SLC16A5: variants seen among roughly 807,000 people sequenced by gnomAD.
SLC16A5 encodes monocarboxylate transporter 6.
A neutral mutation model predicts 33.2 loss-of-function variants in SLC16A5; 29 were observed. The ratio of observed to expected loss-of-function variants is 0.87; its 90% CI spans 0.65 to 1.19. The LOEUF (loss-of-function observed/expected upper bound fraction) is 1.19, where lower values mean the gene tolerates loss of function less well. SLC16A5 is among the 50% of genes most tolerant of loss of function. The pLI is 0.00. For missense variants in SLC16A5, 606 were observed against 678.2 expected (o/e 0.89, Z 1.18); for synonymous variants, 248 against 284.1 (o/e 0.87, Z 1.28).
At chr17:75,109,372 T>C (rs2073888356), downstream of SLC16A5, among the ~76,000 whole-genome samples, 1 of 152,076 alleles carries the variant, frequency 6.6e-6, no homozygotes, top group South Asian at 2.1e-4. The surrounding 1 kb of genome is among the most constrained non-coding windows in gnomAD (Gnocchi z 5.0). Context: ...CTAGGCTTTT[T>C]GCAAAAGGGG....
At chr17:75,101,289 G>A (rs1248893919) in intron 5 of SLC16A5, among the ~76,000 whole-genome samples, 4 of 146,840 alleles carry the variant, frequency 2.7e-5, no homozygotes, top group East Asian at 2.0e-4. Context: ...GACCAGGTGC[G>A]GTGGCTCACG....
chr17:75,105,199 G>A, intron 6 of SLC16A5: 2 of 985,434 alleles, frequency 2.0e-6, no homozygotes, highest in Non-Finnish European at 2.4e-6. Flanking sequence ...GGGGCCCCTG[G>A]CTTGGATCCT....
In SLC16A5 at chr17:75,100,814, C is replaced by T; in HGVS notation, c.1151C>T (p.Ala384Val). 1 of 1,583,968 alleles carries T rather than the reference C, an allele frequency of 6.3e-7. No homozygotes were observed. Among genetic ancestry groups the T allele is most frequent in the African/African-American group, 1.3e-5 (1 of 74,378 alleles). The part of the protein sequence containing the change: ...GLAFLISPPL[A>V]GLLLDATNNF... The stretch of plus-strand genomic sequence containing the variant: ...GCTTTCCTCATCTCCCCACCACTGG[C>T]CGGTGAGGAGCTGGGAGGGAGGGCA... Residue 384 changes from alanine (A) to valine (V), a missense_variant and splice_region_variant, in exon 5 of 7, where the codon GCC (alanine) becomes GTC (valine). Coordinates refer to ENST00000329783, the MANE Select transcript of SLC16A5 (RefSeq NM_004695.4).
chr17:75,098,949 T>C (rs1317917255), intron 4 of SLC16A5, among the ~76,000 whole-genome samples: 1 of 151,902 alleles, frequency 6.6e-6, no homozygotes, highest in Non-Finnish European at 1.5e-5. Context: ...ACACCGGTAG[T>C]CACCTAGCAG....
chr17:75,100,704 C>T lies in SLC16A5; in HGVS notation c.1041C>T (p.Ala347=). 1.2e-6 allele frequency: 2 copies of T among 1,614,194 alleles called. No homozygotes were observed. The highest frequency in any genetic ancestry group is 2.2e-5 in the East Asian group (1 of 44,880). ...GCGTGTCCATGAGTGGCATCGGCGC[C>T]CTCATCTTCCAGGTTCTCATGGACA... The part of the protein sequence containing the change: ...AYSVSMSGIG[A]LIFQVLMDIV... Residue 347 remains alanine, a synonymous_variant, in exon 5 of 7, where the codon GCC becomes GCT. Coordinates refer to ENST00000329783, the MANE Select transcript of SLC16A5 (RefSeq NM_004695.4).
chr17:75,098,554 T>C (rs923666271), intron 4 of SLC16A5, among the ~76,000 whole-genome samples: 4 of 151,998 alleles, frequency 2.6e-5, no homozygotes, highest in Non-Finnish European at 5.9e-5. Flanking sequence ...CAAGACCCCA[T>C]CTCAAAAACA....
intron 5 of SLC16A5, among the ~76,000 whole-genome samples, chr17:75,101,736 G>A (rs2073802510): frequency 6.6e-6 from 1 of 151,864 alleles, no homozygotes; most frequent in African/African-American, 2.4e-5. Context: ...CCAGACTCAA[G>A]TGATCTTCCC....
At chr17:75,098,371 C>T (rs1018699272) in intron 4 of SLC16A5, among the ~76,000 whole-genome samples, 190 bp downstream of exon 4, 2 of 151,910 alleles carry the variant, frequency 1.3e-5, no homozygotes, top group Non-Finnish European at 2.9e-5. Flanking sequence ...GAGACTAGCC[C>T]GGCCAACATG....
At chr17:75,107,677 G>A (rs956663600), downstream of SLC16A5, among the ~76,000 whole-genome samples, 19 of 152,202 alleles carry the variant, frequency 1.2e-4, no homozygotes, top group Non-Finnish European at 2.6e-4. Context: ...AGTGGCTCAC[G>A]CCTGTAATCC....
chr17:75,093,867 G>C (rs1465850750), intron 3 of SLC16A5, 32 bp downstream of exon 3: 1 of 1,597,518 alleles, frequency 6.3e-7, no homozygotes, highest in Non-Finnish European at 8.5e-7. Flanking sequence ...CGATGAGAAA[G>C]TCCTAGGGGT....
rs61750012 is a variant in SLC16A5, at chr17:75,100,470, C to T, written c.807C>T (p.Asp269=). 2.5e-5 allele frequency: 40 copies of T among 1,614,106 alleles called. No homozygotes were observed. Among genetic ancestry groups the T allele is most frequent in the South Asian group, 9.9e-5 (9 of 91,086 alleles). ...LVPYAMWHSV[D]EQQAALLISI... is the part of the protein sequence containing the mutation. ...CATATGCCATGTGGCACAGCGTGGA[C>T]GAGCAGCAGGCAGCCCTCCTCATCT... The change falls in exon 5 of 7, where the codon GAC becomes GAT. Residue 269 remains aspartate, a synonymous_variant. Transcript: ENST00000329783.
At chr17:75,107,991 C>G (rs895573051), downstream of SLC16A5, among the ~76,000 whole-genome samples, 1 of 152,078 alleles carries the variant, frequency 6.6e-6, no homozygotes, top group African/African-American at 2.4e-5. Context: ...GTAATCCCAG[C>G]TACTCGGGAG....
chr17:75,097,982 T>G, intron 3 of SLC16A5, 56 bp from the exon 4 acceptor site: 1 of 1,544,452 alleles, frequency 6.5e-7, no homozygotes, highest in Non-Finnish European at 8.7e-7. Flanking sequence ...GCCACTCTCC[T>G]CCTCTCCCGC....
chr17:75,106,207 GTCTGACTCGGTGAGCAT>G (rs1252993906), downstream of SLC16A5: 1 of 446,718 alleles, frequency 2.2e-6, no homozygotes, highest in Non-Finnish European at 4.0e-6. Flanking sequence ...CGGTTGAAAA[GTCTGACTCGGTGAGCAT>G]CCTGACGACT....
Position 75,100,300 on chromosome 17 carries a change from C to G in SLC16A5, c.637C>G (p.Leu213Val), listed in dbSNP as rs756962697. 6.2e-7 allele frequency: 1 copy of G among 1,614,110 alleles called. No homozygotes were observed. Among genetic ancestry groups the G allele is most frequent in the Admixed American group, 1.7e-5 (1 of 60,004 alleles). The stretch of plus-strand genomic sequence containing the variant: ...CCCGCCACCTCCCGAGACACCTGCA[C>G]TTGGCTGCCTGGCTGCATGCGGCCG... ...CPPPPPETPA[L>V]GCLAACGRTI... Residue 213 changes from leucine (L) to valine (V), a missense_variant, in exon 5 of 7, where the codon CTT becomes GTT. Leu to Val is a conservative substitution (Grantham distance 32). Transcript: ENST00000329783.
At chr17:75,092,852 T>A (rs1205724915) in intron 2 of SLC16A5, among the ~76,000 whole-genome samples, 2 of 137,948 alleles carry the variant, frequency 1.4e-5, no homozygotes, top group African/African-American at 5.2e-5. Context: ...TGTGTGTGTG[T>A]GTGTGTGTTT....
In SLC16A5 at chr17:75,088,310, T is replaced by A. The variant is rs537898944; in HGVS notation, c.-203+266T>A. Among the ~76,000 whole-genome samples, 202 of 151,398 alleles carry A rather than the reference T, an allele frequency of 1.3e-3. 1 individual carries two copies. Among genetic ancestry groups the A allele is most frequent in the African/African-American group, 4.6e-3 (188 of 40,988 alleles). The stretch of plus-strand genomic sequence containing the variant: ...AGCCCGGGATCCCAGCAGCCCCAAC[T>A]CGGAGGAGCTCTGCCCCGGGGAGGG... On this transcript the variant is annotated intron_variant, in intron 1 of 6. Coordinates refer to ENST00000329783, the MANE Select transcript of SLC16A5 (RefSeq NM_004695.4).
In SLC16A5 at chr17:75,098,085, G is replaced by C. The variant is rs565747189; in HGVS notation, c.247G>C (p.Val83Leu). Residue 83 changes from valine to leucine, a missense_variant, in exon 4 of 7, where the codon GTG becomes CTG. By Grantham distance (32) the Val-to-Leu change is conservative. Coordinates refer to ENST00000329783, the MANE Select transcript of SLC16A5 (RefSeq NM_004695.4). ...LVGRFGCRVT[V>L]MLGGVLASLG... is the part of the protein sequence containing the mutation. ...GGGACGCTTCGGCTGCCGAGTGACCGTGATGCTGGGGGGCGTGCTGGCCAG... is the reference window on the plus strand; with the variant it reads ...GGGACGCTTCGGCTGCCGAGTGACCCTGATGCTGGGGGGCGTGCTGGCCAG... The C allele has an allele frequency of 5.5e-5, 89 of 1,609,592 alleles. 1 individual carries two copies. In the Admixed American group the frequency reaches 6.9e-4, roughly 13 times the overall value.
At chr17:75,093,559 C>A (rs1343217079) in intron 2 of SLC16A5, 30 bp from the exon 3 acceptor site, 3 of 1,550,684 alleles carry the variant, frequency 1.9e-6, no homozygotes, top group Non-Finnish European at 2.6e-6. Context: ...AGCCTGCTGA[C>A]CACCAGGCTC....
Sources: gnomAD v4.1 joint callset for allele counts (sites outside exome capture counted in the v4.1 genomes callset) on GRCh38, gnomAD v4.1.1 for gene constraint, Gnocchi (gnomAD v3.1) non-coding constraint, MANE v1.5 for transcripts, NCBI Gene and HGNC (gene_info 2026-07-23, HGNC 2026-07-21) for gene names.